PLXDC2: variants seen among roughly 807,000 people sequenced by gnomAD.
The protein encoded by PLXDC2 is plexin domain containing 2, also known as plexin domain-containing protein 2.
PLXDC2 carries 40 observed loss-of-function variants against 68.9 expected under a neutral mutation model. That is an observed-to-expected ratio of 0.58 (90% confidence interval 0.45 to 0.76). The LOEUF is 0.76. Ranked by LOEUF, PLXDC2 falls within the 30% of genes least tolerant of loss-of-function variation. PLXDC2 has a pLI of 0.00. For missense variants in PLXDC2, 644 were observed against 661.9 expected, an observed-to-expected ratio of 0.97 and a Z score of 0.30; for synonymous variants, 243 against 234.2, an observed-to-expected ratio of 1.04 and a Z score of -0.34.
intron 2 of PLXDC2, among the ~76,000 whole-genome samples, chr10:20,013,993 A>C (rs1210951846): frequency 2.0e-5 from 3 of 152,222 alleles, no homozygotes; most frequent in African/African-American, 7.2e-5. Flanking sequence ...ATAAGTATTC[A>C]TTAGAAATTT....
intron 1 of PLXDC2, among the ~76,000 whole-genome samples, chr10:19,936,554 A>T (rs767507233): frequency 3.9e-5 from 6 of 152,158 alleles, no homozygotes; most frequent in Non-Finnish European, 5.9e-5. Flanking sequence ...TGCTTTATAT[A>T]ATGCCTGACA....
At chr10:19,832,483 C>T (rs1043374676) in intron 1 of PLXDC2, among the ~76,000 whole-genome samples, 1 of 152,170 alleles carries the variant, frequency 6.6e-6, no homozygotes, top group African/African-American at 2.4e-5. Flanking sequence ...ATACATGTTA[C>T]ACATGTCTGT....
chr10:20,246,228 G>T (rs1292934825), intron 13 of PLXDC2, among the ~76,000 whole-genome samples: 2 of 152,202 alleles, frequency 1.3e-5, no homozygotes, highest in Non-Finnish European at 2.9e-5. Flanking sequence ...CTAAGCCCTG[G>T]GGTCTAAAAG....
intron 13 of PLXDC2, among the ~76,000 whole-genome samples, chr10:20,246,357 G>T (rs567966189): frequency 5.1e-4 from 78 of 152,130 alleles, no homozygotes; most frequent in African/African-American, 1.8e-3. Context: ...GGTTTTTTTT[G>T]TTTGTTTGTT....
At chr10:20,250,174 A>C (rs1405298947) in intron 13 of PLXDC2, among the ~76,000 whole-genome samples, 1 of 151,270 alleles carries the variant, frequency 6.6e-6, no homozygotes, top group East Asian at 2.0e-4. Context: ...AGGCTGAGGC[A>C]GGAAAATCAT....
chr10:20,179,230 C>G (rs139016707), intron 9 of PLXDC2, among the ~76,000 whole-genome samples: 74 of 152,206 alleles, frequency 4.9e-4, no homozygotes, highest in African/African-American at 1.7e-3. Flanking sequence ...TCTTTGCATC[C>G]TGGGCAAGCC....
intron 4 of PLXDC2, among the ~76,000 whole-genome samples, chr10:20,104,415 G>A (rs140359268): frequency 5.3e-5 from 8 of 152,090 alleles, no homozygotes; most frequent in South Asian, 2.1e-4. Flanking sequence ...GGAATTTTCT[G>A]TAGACCAACT....
intron 1 of PLXDC2, among the ~76,000 whole-genome samples, chr10:19,857,186 G>A (rs1370663095): frequency 6.6e-6 from 1 of 152,136 alleles, no homozygotes; most frequent in Non-Finnish European, 1.5e-5. Context: ...TACAGAGCTA[G>A]TCAAGACCCT....
chr10:20,230,683 G>A (rs1264699933), intron 12 of PLXDC2, among the ~76,000 whole-genome samples: 1 of 25,142 alleles, frequency 4.0e-5, no homozygotes, highest in Non-Finnish European at 1.2e-4. Flanking sequence ...TACAGAGTGA[G>A]ACCTTGTCTC....
At chr10:19,855,625 T>G (rs1470437490) in intron 1 of PLXDC2, among the ~76,000 whole-genome samples, 1 of 152,240 alleles carries the variant, frequency 6.6e-6, no homozygotes, top group Non-Finnish European at 1.5e-5. Flanking sequence ...AAATCTAAAA[T>G]TCTCCAATGG....
At chr10:20,120,550 A>C (rs1337654448) in intron 4 of PLXDC2, among the ~76,000 whole-genome samples, 1 of 152,004 alleles carries the variant, frequency 6.6e-6, no homozygotes, top group Non-Finnish European at 1.5e-5. Flanking sequence ...TGTCTGACAG[A>C]AGGGAAGAAA....
chr10:20,151,072 T>C (rs1834146171), intron 6 of PLXDC2, among the ~76,000 whole-genome samples: 1 of 152,226 alleles, frequency 6.6e-6, no homozygotes, highest in Admixed American at 6.5e-5. Flanking sequence ...GTTCTTTCTT[T>C]GTTCTCGATA....
rs1836248971 is a variant in PLXDC2 at position 20,068,209 on chromosome 10, T to C, written c.511T>C (p.Phe171Leu). ...CTTCGATTTTCCATTTTATGGCCACTTCCTACGTGAAATCACTGTGGCAAC... is the reference window on the plus strand; with the variant it reads ...CTTCGATTTTCCATTTTATGGCCACCTCCTACGTGAAATCACTGTGGCAAC... ...LSFDFPFYGH[F>L]LREITVATGG... The change falls in exon 4 of 14, where the codon TTC becomes CTC. Residue 171 changes from phenylalanine to leucine, a missense_variant. Physicochemically the swap from Phe to Leu is conservative, Grantham distance 22. This residue lies in a region of PLXDC2 where 113 missense variants were observed against 167.1 expected (regional missense o/e 0.68). Coordinates refer to ENST00000377252, the MANE Select transcript of PLXDC2 (RefSeq NM_032812.9). 6.2e-7 allele frequency: 1 copy of C among 1,613,510 alleles called. No homozygotes were observed. The highest frequency in any genetic ancestry group is 8.5e-7 in the Non-Finnish European group (1 of 1,179,688).
chr10:19,900,788 G>T (rs1020737486), intron 1 of PLXDC2, among the ~76,000 whole-genome samples: 3 of 151,634 alleles, frequency 2.0e-5, no homozygotes, highest in Non-Finnish European at 4.4e-5. Flanking sequence ...CCCAAAGTCC[G>T]TTGTATCCTT....
At chr10:20,033,984 C>T (rs867218616) in intron 2 of PLXDC2, among the ~76,000 whole-genome samples, 3 of 152,076 alleles carry the variant, frequency 2.0e-5, no homozygotes, top group African/African-American at 7.2e-5. Context: ...GTTTTTGACT[C>T]TTAGTACCAT....
chr10:19,911,378 T>A (rs1213834281), intron 1 of PLXDC2, among the ~76,000 whole-genome samples: 2 of 152,204 alleles, frequency 1.3e-5, no homozygotes, highest in African/African-American at 4.8e-5. Flanking sequence ...GTAAACATGT[T>A]CCAATTTGCT....
intron 1 of PLXDC2, among the ~76,000 whole-genome samples, chr10:19,964,198 C>A (rs532732024): frequency 6.6e-6 from 1 of 152,166 alleles, no homozygotes; most frequent in Non-Finnish European, 1.5e-5. Flanking sequence ...ACTGGCCAGA[C>A]CACACTGAAA....
At position 20,284,714 on chromosome 10, in the gene PLXDC2, A is replaced by C. The variant is rs931739851; in HGVS notation, c.*4895A>C. 6.6e-6 allele frequency: 1 copy of C among 152,156 alleles called. No individual in the cohort carries two copies. The highest frequency in any genetic ancestry group is 1.5e-5 in the Non-Finnish European group (1 of 68,044). The allele number at this position is 152,156 out of a possible 1,614,324, so 9.4% of individuals were successfully genotyped here. A position where few individuals can be genotyped will look rare whatever the true frequency, so the allele number is the denominator to read the frequency against. ...TCAGTAAACTGGGTCTTGAACTTAAATGTTTGTTTCAGTTCTCATTGCCTT... is the reference window on the plus strand; with the variant it reads ...TCAGTAAACTGGGTCTTGAACTTAACTGTTTGTTTCAGTTCTCATTGCCTT... On this transcript the variant is annotated 3_prime_UTR_variant, in exon 14 of 14. Coordinates refer to ENST00000377252, the MANE Select transcript of PLXDC2 (RefSeq NM_032812.9).
chr10:20,271,078 G>A (rs1469249735), intron 13 of PLXDC2, among the ~76,000 whole-genome samples: 8 of 151,476 alleles, frequency 5.3e-5, no homozygotes, highest in Non-Finnish European at 7.4e-5. Flanking sequence ...CTTAGGACGT[G>A]TTGACAGTTA....
Sources: gnomAD v4.1 joint callset for allele counts (sites outside exome capture counted in the v4.1 genomes callset) on GRCh38, gnomAD v4.1.1 for gene constraint, gnomAD v4.1.1 regional missense constraint, MANE v1.5 for transcripts, NCBI Gene and HGNC (gene_info 2026-07-23, HGNC 2026-07-21) for gene names.